Variants in ADGRE5 observed in about 807,000 individuals in gnomAD.
The protein encoded by ADGRE5 is CD97 molecule.
A neutral mutation model predicts 100.3 loss-of-function variants in ADGRE5; 72 were observed. The ratio of observed to expected loss-of-function variants is 0.72; its 90% confidence interval spans 0.59 to 0.87. The LOEUF is 0.87. Ranked by LOEUF, ADGRE5 falls within the 40% of genes least tolerant of loss-of-function variation. The pLI is 0.00. For missense variants in ADGRE5, 959 were observed against 1,094.7 expected, an observed-to-expected ratio of 0.88 and a Z score of 1.75; for synonymous variants, 439 against 447.8, an observed-to-expected ratio of 0.98 and a Z score of 0.25.
In ADGRE5 at chr19:14,407,982, G is replaced by A. The variant is rs61735279; in HGVS notation, c.2451G>A (p.Thr817=). 3.3e-3 allele frequency: 5,347 copies of A among 1,614,096 alleles called. 131 individuals are homozygous for A. The African/African-American group carries it at 0.055, about 17-fold the overall frequency. The change falls in exon 19 of 20, where the codon ACG becomes ACA. Residue 817 remains threonine (T), a synonymous_variant. Coordinates refer to ENST00000242786, the MANE Select transcript of ADGRE5 (RefSeq NM_078481.4). The part of the protein sequence containing the change: ...GSKYSEFTST[T]SGTGHNQTRA... ...AGTACTCAGAATTCACCTCCACCAC[G>A]TCTGGCACTGGCCACAATCAGACCC... is the stretch of plus-strand genomic sequence containing the variant.
At chr19:14,400,694 AG>A (rs1381421842) in intron 9 of ADGRE5, among the ~76,000 whole-genome samples, 7 of 152,024 alleles carry the variant, frequency 4.6e-5, no homozygotes, top group Non-Finnish European at 1.0e-4. Context: ...AGGGAGGCTG[AG>A]GCGGGAGAAT....
In ADGRE5 at chr19:14,406,791, G is replaced by A. The variant is rs1976260678; in HGVS notation, c.2115+25G>A. 3 of 1,612,992 alleles carry A rather than the reference G, an allele frequency of 1.9e-6. No homozygotes were observed. Among genetic ancestry groups the A allele is most frequent in the African/African-American group, 1.3e-5 (1 of 74,884 alleles). ...GGTAAGTACCCACTCTCCCTCCACC[G>A]AAGCCCGAGCGCCACAGGCCCAGGC... On this transcript the variant is annotated intron_variant, in intron 16 of 19. Coordinates refer to ENST00000242786, the MANE Select transcript of ADGRE5 (RefSeq NM_078481.4). The surrounding 1 kb of genome is among the most constrained non-coding windows in gnomAD (Gnocchi z 6.0).
chr19:14,389,305 GGA>G (rs1438629921), intron 3 of ADGRE5, among the ~76,000 whole-genome samples: 1 of 2,164 alleles, frequency 4.6e-4, no homozygotes, highest in African/African-American at 1.9e-3. Flanking sequence ...AGGGGAAGGG[GGA>G]AGGGGAGGGG....
Position 14,406,786 on chromosome 19 carries a change from C to G in ADGRE5, c.2115+20C>G. The G allele has an allele frequency of 6.2e-7, 1 of 1,613,596 alleles. No homozygotes were observed. Among genetic ancestry groups the G allele is most frequent in the Non-Finnish European group, 8.5e-7 (1 of 1,179,472 alleles). ...ATTTTGGTAAGTACCCACTCTCCCT[C>G]CACCGAAGCCCGAGCGCCACAGGCC... On this transcript the variant is annotated intron_variant, in intron 16 of 19. Coordinates refer to ENST00000242786, the MANE Select transcript of ADGRE5 (RefSeq NM_078481.4). The surrounding 1 kb of genome is among the most constrained non-coding windows in gnomAD (Gnocchi z 6.0).
chr19:14,402,872 C>T lies in ADGRE5; in HGVS notation c.1449+10C>T. On this transcript the variant is annotated intron_variant, in intron 12 of 19. Coordinates refer to ENST00000242786, the MANE Select transcript of ADGRE5 (RefSeq NM_078481.4). ...AGACCCTCCTGCCAAGGTCTCTGCTCACTCTGCTCACTTCCTCAAAGATAA... is the reference window on the plus strand; with the variant it reads ...AGACCCTCCTGCCAAGGTCTCTGCTTACTCTGCTCACTTCCTCAAAGATAA... 1 of 1,613,216 alleles carries T rather than the reference C, an allele frequency of 6.2e-7. No homozygotes were observed. The highest frequency in any genetic ancestry group is 1.3e-5 in the African/African-American group (1 of 75,002).
chr19:14,406,810 C>A lies in ADGRE5; in HGVS notation c.2115+44C>A. ...TCCACCGAAGCCCGAGCGCCACAGGCCCAGGCCCGGCTGGACCATCGCTCT... is the reference window on the plus strand; with the variant it reads ...TCCACCGAAGCCCGAGCGCCACAGGACCAGGCCCGGCTGGACCATCGCTCT... On this transcript the variant is annotated intron_variant, in intron 16 of 19. Coordinates refer to ENST00000242786, the MANE Select transcript of ADGRE5 (RefSeq NM_078481.4). The surrounding 1 kb of genome is among the most constrained non-coding windows in gnomAD (Gnocchi z 6.0). The A allele has an allele frequency of 6.2e-7, 1 of 1,610,168 alleles. No homozygotes were observed. The highest frequency in any genetic ancestry group is 8.5e-7 in the Non-Finnish European group (1 of 1,176,300).
Position 14,401,309 on chromosome 19 carries a change from AG to A in ADGRE5, c.898-72del. The A allele has an allele frequency of 7.7e-7, 1 of 1,291,594 alleles. No individual in the cohort carries two copies. Among genetic ancestry groups the A allele is most frequent in the Non-Finnish European group, 1.1e-6 (1 of 925,910 alleles). 80.0% of individuals were successfully genotyped at this position (1,291,594 alleles called of 1,614,324 possible). Reference sequence around the variant, plus strand: ...GTGGGTCTCCAGTGTGTCCCCTGGTAGGGGGTGACATCCAGGTCCTTCAGGC... The same window carrying A: ...GTGGGTCTCCAGTGTGTCCCCTGGTAGGGGTGACATCCAGGTCCTTCAGGC... On this transcript the variant is annotated intron_variant, in intron 9 of 19. Coordinates refer to ENST00000242786, the MANE Select transcript of ADGRE5 (RefSeq NM_078481.4). This position sits in a 1 kb window ranked among gnomAD's most constrained non-coding sequence, Gnocchi z 4.1.
At chr19:14,404,610 G>T in intron 13 of ADGRE5, 48 bp downstream of exon 13, 2 of 1,562,370 alleles carry the variant, frequency 1.3e-6, no homozygotes, top group Non-Finnish European at 1.7e-6. Flanking sequence ...ATGAGGTCCA[G>T]CTGCAACCAG....
At position 14,406,292 on chromosome 19, in the gene ADGRE5, G is replaced by T. The variant is rs1244077650; in HGVS notation, c.1822-39G>T. 3 of 1,472,800 alleles carry T rather than the reference G, an allele frequency of 2.0e-6. No individual in the cohort carries two copies. Among genetic ancestry groups the T allele is most frequent in the Non-Finnish European group, 1.8e-6 (2 of 1,093,210 alleles). 91.2% of individuals were successfully genotyped at this position (1,472,800 alleles called of 1,614,324 possible). On this transcript the variant is annotated intron_variant, in intron 14 of 19. Transcript: ENST00000242786. The surrounding 1 kb of genome is among the most constrained non-coding windows in gnomAD (Gnocchi z 6.0). ...GCTCTGGCGCCGCATGCCCCTCCCC[G>T]CGCTGACGTCGCTCCGCCCCTCCGT...
chr19:14,399,590 A>AAG (rs1975930508), intron 9 of ADGRE5, among the ~76,000 whole-genome samples: 1 of 146,240 alleles, frequency 6.8e-6, no homozygotes, highest in Non-Finnish European at 1.5e-5. Flanking sequence ...AAAAAAAAAA[A>AAG]AAAATTAGCT....
intron 13 of ADGRE5, 188 bp downstream of exon 13, chr19:14,404,750 C>A (rs1976153375): frequency 1.8e-6 from 1 of 565,628 alleles, no homozygotes; most frequent in East Asian, 3.3e-5. Context: ...AACCCAGCAA[C>A]TATACACTGG....
chr19:14,388,893 T>G, intron 3 of ADGRE5, 75 bp downstream of exon 3: 2 of 1,361,456 alleles, frequency 1.5e-6, no homozygotes, highest in East Asian at 4.6e-5. Context: ...GGACAGAGGT[T>G]GTTGTGAGGG....
chr19:14,397,504 C>T, intron 6 of ADGRE5, 154 bp from the exon 7 acceptor site: 1 of 819,352 alleles, frequency 1.2e-6, no homozygotes, highest in African/African-American at 1.7e-5. Flanking sequence ...CGGGGCCCAC[C>T]TGCTGTGCCC....
In ADGRE5 at chr19:14,401,812, G is replaced by A. The variant is rs1205603876; in HGVS notation, c.1183+52G>A. 2 of 1,258,272 alleles carry A rather than the reference G, an allele frequency of 1.6e-6. No individual in the cohort carries two copies. The highest frequency in any genetic ancestry group is 1.5e-5 in the South Asian group (1 of 68,116). The allele number at this position is 1,258,272 out of a possible 1,614,324, so 77.9% of individuals were successfully genotyped here. A position where few individuals can be genotyped will look rare whatever the true frequency, so the allele number is the denominator to read the frequency against. On this transcript the variant is annotated intron_variant, in intron 11 of 19. Coordinates refer to ENST00000242786, the MANE Select transcript of ADGRE5 (RefSeq NM_078481.4). The surrounding 1 kb of genome is among the most constrained non-coding windows in gnomAD (Gnocchi z 4.1). ...CCCGTGGGAGAGAGATGGAGGTGCT[G>A]GGATGGGGCCAGGGTGAGGTTCAGA...
intron 9 of ADGRE5, among the ~76,000 whole-genome samples, chr19:14,400,961 A>C (rs1395680706): frequency 6.6e-6 from 1 of 152,140 alleles, no homozygotes; most frequent in Admixed American, 6.6e-5. Context: ...AAAACAAAAA[A>C]AAAATTACAA....
In ADGRE5 at chr19:14,395,949, G is replaced by A. The variant is rs1008194736; in HGVS notation, c.347-393G>A. Among the ~76,000 whole-genome samples the A allele has an allele frequency of 3.3e-5, 5 of 152,336 alleles. No individual in the cohort carries two copies. In the South Asian group the frequency reaches 6.2e-4, roughly 19 times the overall value. On this transcript the variant is annotated intron_variant, in intron 4 of 19. Coordinates refer to ENST00000242786, the MANE Select transcript of ADGRE5 (RefSeq NM_078481.4). ...CTGAGAATTTGGCCAGCGAGCGGCC[G>A]TTCTGTGGGAGTCAGGCCGAGGGCC... is the stretch of plus-strand genomic sequence containing the variant.
chr19:14,383,006 G>C (rs1265002607), intron 1 of ADGRE5, among the ~76,000 whole-genome samples: 1 of 152,056 alleles, frequency 6.6e-6, no homozygotes, highest in Non-Finnish European at 1.5e-5. Flanking sequence ...AAAGTGCTGG[G>C]ATTACAGGCA....
At position 14,406,378 on chromosome 19, in the gene ADGRE5, C is replaced by T; in HGVS notation, c.1869C>T (p.Phe623=). The change falls in exon 15 of 20, where the codon TTC becomes TTT. Residue 623 remains phenylalanine, a synonymous_variant. Coordinates refer to ENST00000242786, the MANE Select transcript of ADGRE5 (RefSeq NM_078481.4). This position sits in a 1 kb window ranked among gnomAD's most constrained non-coding sequence, Gnocchi z 6.0. ...TGGCCGGGCTGCTGCACTACTGTTT[C>T]CTGGCCGCCTTCTGCTGGATGAGCC... is the stretch of plus-strand genomic sequence containing the variant. The part of the protein sequence containing the change: ...RLVAGLLHYC[F]LAAFCWMSLE... The T allele has an allele frequency of 6.3e-7, 1 of 1,588,524 alleles. No homozygotes were observed. The highest frequency in any genetic ancestry group is 8.6e-7 in the Non-Finnish European group (1 of 1,168,612).
At chr19:14,407,835 G>A in intron 18 of ADGRE5, 73 bp from the exon 19 acceptor site, 2 of 1,279,770 alleles carry the variant, frequency 1.6e-6, no homozygotes, top group Non-Finnish European at 2.3e-6. Flanking sequence ...GTGGGGCTGA[G>A]GGCAGAGCAT....
Sources: gnomAD v4.1 joint callset for allele counts (sites outside exome capture counted in the v4.1 genomes callset) on GRCh38, gnomAD v4.1.1 for gene constraint, Gnocchi (gnomAD v3.1) non-coding constraint, MANE v1.5 for transcripts, NCBI Gene and HGNC (gene_info 2026-07-23, HGNC 2026-07-21) for gene names.